UGGT2: variants seen among roughly 807,000 people sequenced by gnomAD.
The protein encoded by UGGT2 is UDP-glucose glycoprotein glucosyltransferase 2, also known as UDP-glucose:glycoprotein glucosyltransferase 2.
UGGT2 carries 180 observed loss-of-function variants against 192.1 expected under a neutral mutation model. That is an observed-to-expected ratio of 0.94 (90% CI 0.83 to 1.06). The LOEUF is 1.06. UGGT2 is among the 50% of genes least tolerant of loss of function. The probability of loss-of-function intolerance (pLI) is 0.00; values close to 1 mark genes in which losing one functional copy is unlikely to be tolerated. For missense variants in UGGT2, 1,849 were observed against 1,795.7 expected, an observed-to-expected ratio of 1.03 and a Z score of -0.54; for synonymous variants, 580 against 591.0, an observed-to-expected ratio of 0.98 and a Z score of 0.27.
rs906162814 is a variant in UGGT2 at position 96,013,604 on chromosome 13, T to G, written c.486-123A>C. On this transcript the variant is annotated intron_variant, in intron 4 of 38. Transcript: ENST00000376747. ...ATAATCACAGAAAAAGAATTTAAAT[T>G]TCCTGTGATGACTTTGTACACATAA... 6 of 660,088 alleles carry G rather than the reference T, an allele frequency of 9.1e-6. No homozygotes were observed. The South Asian group carries it at 3.5e-4, about 39-fold the overall frequency. 40.9% of individuals were successfully genotyped at this position (660,088 alleles called of 1,614,324 possible).
intron 1 of UGGT2, among the ~76,000 whole-genome samples, chr13:96,040,420 G>A (rs2139195602): frequency 6.6e-6 from 1 of 152,156 alleles, no homozygotes; most frequent in African/African-American, 2.4e-5. Flanking sequence ...CTCTTAAAAT[G>A]ACATTGGATT....
At chr13:95,938,994 T>C (rs1233072694) in intron 16 of UGGT2, among the ~76,000 whole-genome samples, 3 of 152,178 alleles carry the variant, frequency 2.0e-5, no homozygotes, top group East Asian at 1.9e-4. Flanking sequence ...CATGTCACTG[T>C]CACTTCACTA....
chr13:96,038,746 C>CA (rs1362088469), intron 1 of UGGT2, among the ~76,000 whole-genome samples: 2 of 8,374 alleles, frequency 2.4e-4, no homozygotes, highest in Non-Finnish European at 6.8e-3. Flanking sequence ...CCTCTAGCCC[C>CA]CAAAGCCCCC....
chr13:95,912,117 C>G (rs2048519188), intron 20 of UGGT2, among the ~76,000 whole-genome samples: 1 of 152,262 alleles, frequency 6.6e-6, no homozygotes, highest in East Asian at 1.9e-4. Flanking sequence ...ATGACAAACC[C>G]ACAGCCAATA....
At chr13:96,011,233 A>G (rs561785937) in intron 5 of UGGT2, among the ~76,000 whole-genome samples, 43 of 152,250 alleles carry the variant, frequency 2.8e-4, no homozygotes, top group African/African-American at 9.9e-4. Flanking sequence ...CAAAAAAATG[A>G]TGAACTGGAC....
chr13:95,946,096 TAAC>T (rs775586333), intron 15 of UGGT2, among the ~76,000 whole-genome samples: 27 of 152,358 alleles, frequency 1.8e-4, no homozygotes, highest in Non-Finnish European at 2.4e-4. Flanking sequence ...CTTTTCTTAA[TAAC>T]AACAATATAG....
rs1251969498 is a variant in UGGT2, at chr13:95,878,095, C to G, written c.3229-239G>C. The stretch of plus-strand genomic sequence containing the variant: ...TTACCTGAACCTCATGGTATATGCA[C>G]CAATATAACCAAGCAGGAAAGACGT... On this transcript the variant is annotated intron_variant, in intron 27 of 38. Transcript: ENST00000376747. 3.3e-5 allele frequency among the ~76,000 whole-genome samples: 5 copies of G among 151,606 alleles called. No homozygotes were observed. In the East Asian group the frequency reaches 5.9e-4, roughly 18 times the overall value.
chr13:96,006,769 A>C (rs1255215027), intron 5 of UGGT2, among the ~76,000 whole-genome samples: 1 of 152,176 alleles, frequency 6.6e-6, no homozygotes, highest in Non-Finnish European at 1.5e-5. Context: ...ACTGAGCAGA[A>C]CACTCAGGAG....
At chr13:95,877,168 C>T in intron 29 of UGGT2, 111 bp downstream of exon 29, 1 of 888,160 alleles carries the variant, frequency 1.1e-6, no homozygotes, top group East Asian at 2.7e-5. Context: ...AGGCTTGAGC[C>T]ACTGCGCCAG....
chr13:95,911,940 A>G (rs1481270648), intron 20 of UGGT2, among the ~76,000 whole-genome samples: 3 of 152,208 alleles, frequency 2.0e-5, no homozygotes, highest in South Asian at 2.1e-4. Flanking sequence ...ACATATGCAA[A>G]TCAATAAATG....
At chr13:95,915,444 A>C (rs2048651022) in intron 20 of UGGT2, among the ~76,000 whole-genome samples, 2 of 152,254 alleles carry the variant, frequency 1.3e-5, no homozygotes, top group African/African-American at 4.8e-5. Flanking sequence ...GCACAAGAGA[A>C]AAGATCTTAA....
chr13:95,810,364 T>C (rs78125422), intron 38 of UGGT2, among the ~76,000 whole-genome samples: 2,016 of 152,358 alleles, frequency 0.013, 21 homozygotes, highest in Non-Finnish European at 0.02. Flanking sequence ...TACAGTAGCA[T>C]AGTATATACT....
chr13:95,908,411 ACTC>A (rs1212396457), intron 20 of UGGT2, among the ~76,000 whole-genome samples: 1 of 152,022 alleles, frequency 6.6e-6, no homozygotes, highest in Non-Finnish European at 1.5e-5. Flanking sequence ...TCACAAAAAT[ACTC>A]CTCAAGAAGA....
rs7323011 is a variant in UGGT2 at position 95,991,405 on chromosome 13, T to C, written c.831-1332A>G. 1.9e-3 allele frequency: 834 copies of C among 443,514 alleles called. 7 individuals carry two copies. The highest frequency in any genetic ancestry group is 0.014 in the African/African-American group (668 of 49,296). The allele number at this position is 443,514 out of a possible 1,614,324, so 27.5% of individuals were successfully genotyped here. On this transcript the variant is annotated intron_variant, in intron 7 of 38. Coordinates refer to ENST00000376747, the MANE Select transcript of UGGT2 (RefSeq NM_020121.4). Reference sequence around the variant, plus strand: ...GCATCTGTCGTTTCCTTTTTAATGATTGTCATTCTAACTGGTGTGAGATGG... The same window carrying C: ...GCATCTGTCGTTTCCTTTTTAATGACTGTCATTCTAACTGGTGTGAGATGG...
rs199709333 is a variant in UGGT2, at chr13:95,916,442, G to GA, written c.2295+9237dup. 4.6e-3 allele frequency among the ~76,000 whole-genome samples: 705 copies of GA among 152,246 alleles called. 3 individuals are homozygous for GA. The highest frequency in any genetic ancestry group is 0.016 in the African/African-American group (676 of 41,554). On this transcript the variant is annotated intron_variant, in intron 20 of 38. Coordinates refer to ENST00000376747, the MANE Select transcript of UGGT2 (RefSeq NM_020121.4). ...CAGGTAGATAAGCCCACAAAGATGA[G>GA]AAAAAATCAAAGCAAAAATGCTGAA...
intron 38 of UGGT2, among the ~76,000 whole-genome samples, chr13:95,819,943 A>G (rs1173790251): frequency 2.6e-5 from 4 of 152,238 alleles, no homozygotes; most frequent in Admixed American, 2.6e-4. Flanking sequence ...AGATCACTTG[A>G]GGCCAGGAGT....
intron 37 of UGGT2, among the ~76,000 whole-genome samples, chr13:95,836,617 C>A (rs1201301513): frequency 6.6e-6 from 1 of 152,150 alleles, no homozygotes; most frequent in Non-Finnish European, 1.5e-5. Context: ...TATATGGTCA[C>A]CAGCCCCCAG....
intron 17 of UGGT2, among the ~76,000 whole-genome samples, chr13:95,935,023 T>C (rs1036280292): frequency 6.6e-6 from 1 of 152,214 alleles, no homozygotes; most frequent in African/African-American, 2.4e-5. Flanking sequence ...TGGTTTCAAG[T>C]TTGTTTTATC....
At chr13:95,883,201 G>T (rs554447477) in intron 27 of UGGT2, among the ~76,000 whole-genome samples, 120 of 152,186 alleles carry the variant, frequency 7.9e-4, no homozygotes, top group Non-Finnish European at 1.5e-3. Flanking sequence ...TTCCTAGAAG[G>T]AAAATCTTTA....
Sources: allele counts gnomAD v4.1 joint callset (sites outside exome capture counted in the v4.1 genomes callset), GRCh38; gene constraint gnomAD v4.1.1; transcripts MANE v1.5; gene names NCBI Gene and HGNC (gene_info 2026-07-23, HGNC 2026-07-21).